The following FAM185A variants were observed in gnomAD, a reference collection of about 807,000 sequenced individuals.
FAM185A encodes family with sequence similarity 185 member A, also known as protein FAM185A.
A neutral mutation model predicts 45.7 loss-of-function variants in FAM185A; 21 were observed. The ratio of observed to expected loss-of-function variants is 0.46; its 90% confidence interval spans 0.33 to 0.66. The LOEUF (loss-of-function observed/expected upper bound fraction) is 0.66. FAM185A is among the 30% of genes least tolerant of loss of function. The pLI is 0.03. For missense variants in FAM185A, 305 were observed against 485.4 expected (o/e 0.63, Z 3.49); for synonymous variants, 117 against 194.0 (o/e 0.60, Z 3.30).
At chr7:102,838,212 T>C in the FAM185A span, among the ~76,000 whole-genome samples, 3 of 152,216 alleles carry the variant, frequency 2.0e-5, no homozygotes, top group African/African-American at 7.2e-5. Flanking sequence ...CAACCTCTCT[T>C]ACCCCTCAAT....
the FAM185A span, among the ~76,000 whole-genome samples, chr7:102,847,343 G>A: frequency 1.3e-4 from 20 of 152,088 alleles, no homozygotes; most frequent in Admixed American, 1.3e-3. Flanking sequence ...AGGCAGAATT[G>A]GAATAAAAAT....
At chr7:102,773,809 A>G (rs1311789673) in intron 5 of FAM185A, among the ~76,000 whole-genome samples, 1 of 152,148 alleles carries the variant, frequency 6.6e-6, no homozygotes, top group East Asian at 1.9e-4. Flanking sequence ...TCTAAAATCA[A>G]ATCACTATAT....
the FAM185A span, among the ~76,000 whole-genome samples, chr7:102,826,462 G>A: frequency 6.6e-6 from 1 of 151,742 alleles, no homozygotes; most frequent in Non-Finnish European, 1.5e-5. Flanking sequence ...TAAGCTGAGC[G>A]TGGTGGCTCA....
chr7:102,831,056 C>A, the FAM185A span, among the ~76,000 whole-genome samples: 3 of 152,124 alleles, frequency 2.0e-5, no homozygotes, highest in Admixed American at 6.6e-5. Context: ...TTGGGAACCA[C>A]CCCTGTCAGT....
At chr7:102,785,374 C>G (rs1403495561) in intron 6 of FAM185A, among the ~76,000 whole-genome samples, 5 of 150,050 alleles carry the variant, frequency 3.3e-5, no homozygotes, top group Non-Finnish European at 7.4e-5. Flanking sequence ...ATCGCCAAGT[C>G]AATCCTAAGC....
chr7:102,824,921 G>A, the FAM185A span, among the ~76,000 whole-genome samples: 1 of 150,972 alleles, frequency 6.6e-6, no homozygotes. Flanking sequence ...ACCAAACCTC[G>A]CTTTCATCTT....
intron 7 of FAM185A, among the ~76,000 whole-genome samples, chr7:102,790,422 A>G (rs1796077681): frequency 6.6e-6 from 1 of 152,228 alleles, no homozygotes; most frequent in Non-Finnish European, 1.5e-5. Context: ...TATCAAATAT[A>G]GTGAGAATCA....
the FAM185A span, among the ~76,000 whole-genome samples, chr7:102,844,594 A>G: frequency 1.3e-5 from 2 of 152,330 alleles, no homozygotes; most frequent in African/African-American, 4.8e-5. Flanking sequence ...TTTTTTCTCT[A>G]TAGTCACACC....
chr7:102,845,584 C>G, the FAM185A span, among the ~76,000 whole-genome samples: 1 of 152,240 alleles, frequency 6.6e-6, no homozygotes, highest in Admixed American at 6.5e-5. Flanking sequence ...CGTCTTTAAC[C>G]ACATCTTCAC....
chr7:102,768,393 T>C (rs1794540836), intron 4 of FAM185A, among the ~76,000 whole-genome samples: 1 of 143,902 alleles, frequency 6.9e-6, no homozygotes, highest in Admixed American at 7.4e-5. Flanking sequence ...CTTTCAGTAC[T>C]CAGCTAAAGC....
chr7:102,816,297 A>G, the FAM185A span: 1 of 152,362 alleles, frequency 6.6e-6, no homozygotes, highest in African/African-American at 2.4e-5. Context: ...GGCCTGTTTT[A>G]GTCTGAAGTG....
At chr7:102,839,614 A>C in the FAM185A span, among the ~76,000 whole-genome samples, 2 of 151,884 alleles carry the variant, frequency 1.3e-5, no homozygotes, top group Admixed American at 1.3e-4. Flanking sequence ...CGCCCAGCTA[A>C]TTTTTGTATT....
intron 7 of FAM185A, among the ~76,000 whole-genome samples, chr7:102,805,936 C>T (rs1488836962): frequency 6.6e-6 from 1 of 152,138 alleles, no homozygotes; most frequent in African/African-American, 2.4e-5. Flanking sequence ...GGTGTGACCT[C>T]CTCCAGGCCC....
chr7:102,758,254 T>C (rs1562845177), intron 3 of FAM185A, among the ~76,000 whole-genome samples: 1 of 152,104 alleles, frequency 6.6e-6, no homozygotes, highest in Non-Finnish European at 1.5e-5. Flanking sequence ...AAATAGATGA[T>C]TAAGTAATAT....
At chr7:102,819,757 G>A in the FAM185A span, among the ~76,000 whole-genome samples, 14 of 152,194 alleles carry the variant, frequency 9.2e-5, no homozygotes, top group African/African-American at 3.4e-4. Flanking sequence ...AGCCTCTGCA[G>A]TTGAGGGAGC....
At chr7:102,841,417 A>G in the FAM185A span, among the ~76,000 whole-genome samples, 2 of 152,166 alleles carry the variant, frequency 1.3e-5, no homozygotes, top group African/African-American at 4.8e-5. Flanking sequence ...AGATGTGCAC[A>G]TTCATTTAGC....
intron 7 of FAM185A, among the ~76,000 whole-genome samples, chr7:102,790,063 G>A (rs1238463054): frequency 1.3e-5 from 2 of 151,928 alleles, no homozygotes; most frequent in African/African-American, 4.8e-5. Flanking sequence ...ACTTACCTGA[G>A]GCTGTTGTAT....
chr7:102,799,246 C>T (rs950168235), intron 7 of FAM185A, among the ~76,000 whole-genome samples: 13 of 152,004 alleles, frequency 8.6e-5, no homozygotes, highest in Admixed American at 2.0e-4. Context: ...TTTTAACCAG[C>T]TTATCAAAGC....
the FAM185A span, among the ~76,000 whole-genome samples, chr7:102,820,794 AT>A: frequency 2.6e-5 from 4 of 152,256 alleles, no homozygotes; most frequent in Non-Finnish European, 4.4e-5. Flanking sequence ...TGATAACGGC[AT>A]TAGTCTGTTC....
Sources: gnomAD v4.1 joint callset for allele counts (sites outside exome capture counted in the v4.1 genomes callset) on GRCh38, gnomAD v4.1.1 for gene constraint, MANE v1.5 for transcripts, NCBI Gene and HGNC (gene_info 2026-07-23, HGNC 2026-07-21) for gene names.